GALNT7: variants seen among roughly 807,000 people sequenced by gnomAD.
GALNT7 encodes polypeptide N-acetylgalactosaminyltransferase 7.
In GALNT7, 60 loss-of-function variants were observed where a neutral mutation model predicts 82.1. That is an observed-to-expected ratio of 0.73 (90% confidence interval 0.59 to 0.91). The LOEUF (loss-of-function observed/expected upper bound fraction) is 0.91. Ranked by LOEUF, GALNT7 falls within the 40% of genes least tolerant of loss-of-function variation. GALNT7 has a pLI of 0.00. For synonymous variants in GALNT7, 243 were observed against 275.1 expected, an observed-to-expected ratio of 0.88 and a Z score of 1.15; for missense variants, 660 against 804.2, an observed-to-expected ratio of 0.82 and a Z score of 2.17.
At chr4:173,239,940 G>A (rs983663438) in intron 1 of GALNT7, among the ~76,000 whole-genome samples, 1 of 152,034 alleles carries the variant, frequency 6.6e-6, no homozygotes, top group Non-Finnish European at 1.5e-5. Flanking sequence ...ATATACTTCT[G>A]AGTAAATATA....
At chr4:173,237,079 T>C (rs1734257283) in intron 1 of GALNT7, among the ~76,000 whole-genome samples, 1 of 152,342 alleles carries the variant, frequency 6.6e-6, no homozygotes, top group South Asian at 2.1e-4. Flanking sequence ...CACATAATTC[T>C]GTTACATTGT....
rs1298041198 is a variant in GALNT7 at position 173,320,858 on chromosome 4, T to A, written c.1837-722T>A. ...TTTTGCTCCTTCATCAGTGACATCCTTAAGTGAAACCGGCATTTACTTTTC... is the reference window on the plus strand; with the variant it reads ...TTTTGCTCCTTCATCAGTGACATCCATAAGTGAAACCGGCATTTACTTTTC... On this transcript the variant is annotated intron_variant, in intron 11 of 11. Transcript: ENST00000265000. The surrounding 1 kb of genome is among the most constrained non-coding windows in gnomAD (Gnocchi z 4.1). Among the ~76,000 whole-genome samples, 4 of 152,172 alleles carry A rather than the reference T, an allele frequency of 2.6e-5. No individual in the cohort carries two copies. Among genetic ancestry groups the A allele is most frequent in the Admixed American group, 2.6e-4 (4 of 15,270 alleles).
At chr4:173,178,019 G>A (rs1028106002) in intron 1 of GALNT7, among the ~76,000 whole-genome samples, 1 of 108,898 alleles carries the variant, frequency 9.2e-6, no homozygotes, top group Non-Finnish European at 1.9e-5. Context: ...GTGTGTGTGT[G>A]TGTGTGTGTG....
chr4:173,186,772 TTTAC>T (rs1322718679), intron 1 of GALNT7, among the ~76,000 whole-genome samples: 4 of 151,842 alleles, frequency 2.6e-5, no homozygotes, highest in Non-Finnish European at 5.9e-5. Flanking sequence ...AATATTATTG[TTTAC>T]TTACTTTTTT....
In GALNT7 at chr4:173,295,774, A is replaced by G; in HGVS notation, c.896A>G (p.Tyr299Cys). ...CCTCTTTTTTTTAAGGTTTTGATAT[A>G]CCTTGATGCCCACTGTGAGGTGGCA... ...QKAKLGQVLI[Y>C]LDAHCEVAVN... The change falls in exon 5 of 12, where the codon TAC becomes TGC. Residue 299 changes from tyrosine to cysteine, a missense_variant. This residue lies in a region of GALNT7 where 527 missense variants were observed against 683.5 expected (regional missense o/e 0.77). Transcript: ENST00000265000. 1 of 1,604,740 alleles carries G rather than the reference A, an allele frequency of 6.2e-7. No homozygotes were observed. The highest frequency in any genetic ancestry group is 8.5e-7 in the Non-Finnish European group (1 of 1,171,622).
At chr4:173,312,973 C>T (rs1026838303) in intron 8 of GALNT7, among the ~76,000 whole-genome samples, 2 of 152,038 alleles carry the variant, frequency 1.3e-5, no homozygotes, top group Admixed American at 1.3e-4. Flanking sequence ...GCAGGAGAAT[C>T]GCTTGAACCT....
intron 1 of GALNT7, among the ~76,000 whole-genome samples, chr4:173,185,483 T>C (rs1732437428): frequency 6.6e-6 from 1 of 152,146 alleles, no homozygotes; most frequent in South Asian, 2.1e-4. Flanking sequence ...TTTTAATTAC[T>C]ATCATACTTG....
chr4:173,281,435 C>A (rs1736104225), intron 2 of GALNT7, among the ~76,000 whole-genome samples: 1 of 152,162 alleles, frequency 6.6e-6, no homozygotes, highest in Admixed American at 6.5e-5. Context: ...AGCCTTCCAT[C>A]CCATAGAGTT....
In GALNT7 at chr4:173,210,194, G is replaced by A. The variant is rs9998718; in HGVS notation, c.127-37786G>A. On this transcript the variant is annotated intron_variant, in intron 1 of 11. Coordinates refer to ENST00000265000, the MANE Select transcript of GALNT7 (RefSeq NM_017423.3). ...ATTATGCTTACCTAGAAACATTGCA[G>A]CATCAACATAACTGGCTCCAGCCAG... Among the ~76,000 whole-genome samples the A allele has an allele frequency of 3.0e-3, 450 of 152,086 alleles. 3 individuals carry two copies. Among genetic ancestry groups the A allele is most frequent in the African/African-American group, 0.01 (426 of 41,492 alleles).
chr4:173,277,746 G>A (rs1735966316), intron 2 of GALNT7, among the ~76,000 whole-genome samples: 1 of 152,196 alleles, frequency 6.6e-6, no homozygotes, highest in African/African-American at 2.4e-5. Flanking sequence ...AAAGCAAAGA[G>A]TAGGCAGATT....
At chr4:173,254,678 C>A (rs781162047) in intron 2 of GALNT7, among the ~76,000 whole-genome samples, 4 of 152,172 alleles carry the variant, frequency 2.6e-5, no homozygotes, top group Non-Finnish European at 2.9e-5. Context: ...ATGTGACCAT[C>A]CAAACTAATT....
At chr4:173,231,478 C>T (rs750138698) in intron 1 of GALNT7, among the ~76,000 whole-genome samples, 8 of 152,096 alleles carry the variant, frequency 5.3e-5, no homozygotes, top group Non-Finnish European at 1.2e-4. Flanking sequence ...AGTCACAGGC[C>T]AGGGTTCAAA....
At chr4:173,315,060 A>T (rs551881936) in intron 9 of GALNT7, among the ~76,000 whole-genome samples, 1 of 152,334 alleles carries the variant, frequency 6.6e-6, no homozygotes, top group South Asian at 2.1e-4. Flanking sequence ...ATGACACATA[A>T]TACTGTCAAG....
chr4:173,169,047 G>C, intron 1 of GALNT7, 86 bp downstream of exon 1: 3 of 1,396,030 alleles, frequency 2.1e-6, no homozygotes, highest in South Asian at 2.5e-5. Flanking sequence ...GGGGCGGCGG[G>C]GTCGCGGCAC....
At chr4:173,216,725 A>AT (rs1277080433) in intron 1 of GALNT7, among the ~76,000 whole-genome samples, 2 of 8,460 alleles carry the variant, frequency 2.4e-4, no homozygotes, top group African/African-American at 3.8e-4. Context: ...ATATATATAT[A>AT]TATTTTTTTT....
chr4:173,293,918 C>A (rs1390852366), intron 3 of GALNT7, among the ~76,000 whole-genome samples: 1 of 152,218 alleles, frequency 6.6e-6, no homozygotes, highest in African/African-American at 2.4e-5. Context: ...TGACTGATGT[C>A]ATTTCCACCC....
At chr4:173,276,193 G>T (rs1282004311) in intron 2 of GALNT7, among the ~76,000 whole-genome samples, 1 of 152,132 alleles carries the variant, frequency 6.6e-6, no homozygotes, top group African/African-American at 2.4e-5. Flanking sequence ...TGACAAAGGA[G>T]TAGTCCCAGG....
intron 5 of GALNT7, chr4:173,297,743 T>C (rs1736771937): frequency 1.1e-6 from 1 of 882,334 alleles, no homozygotes; most frequent in East Asian, 3.0e-5. Flanking sequence ...TTAGGCATGC[T>C]GAACTAGTCT....
At chr4:173,304,898 C>T (rs948644839) in intron 8 of GALNT7, among the ~76,000 whole-genome samples, 4 of 151,634 alleles carry the variant, frequency 2.6e-5, no homozygotes, top group African/African-American at 9.7e-5. Context: ...GTATATATAC[C>T]ATATTTTCTT....
Sources: allele counts gnomAD v4.1 joint callset (sites outside exome capture counted in the v4.1 genomes callset), GRCh38; gene constraint gnomAD v4.1.1; regional missense constraint gnomAD v4.1.1; non-coding constraint Gnocchi (gnomAD v3.1); transcripts MANE v1.5; gene names NCBI Gene and HGNC (gene_info 2026-07-23, HGNC 2026-07-21).